The following WAPL variants were observed in gnomAD, a reference collection of about 807,000 sequenced individuals.
WAPL encodes WAPL cohesin release factor, also known as wings apart-like protein homolog.
In WAPL, 5 loss-of-function variants were observed where a neutral mutation model predicts 121.0. The observed-to-expected ratio is 0.04, with a 90% CI of 0.02 to 0.09. The LOEUF (loss-of-function observed/expected upper bound fraction) is 0.09, where lower values mean the gene tolerates loss of function less well. Among genes scored for constraint, WAPL ranks in the 10% least tolerant of loss-of-function variants. The probability of loss-of-function intolerance (pLI) is 1.00; values close to 1 mark genes in which losing one functional copy is unlikely to be tolerated. For missense variants in WAPL, 999 were observed against 1,410.8 expected, an observed-to-expected ratio of 0.71 and a Z score of 4.68; for synonymous variants, 480 against 481.5, an observed-to-expected ratio of 1.00 and a Z score of 0.04.
intron 2 of WAPL, among the ~76,000 whole-genome samples, chr10:86,510,066 G>GC: frequency 8.0e-6 from 1 of 125,324 alleles, no homozygotes; most frequent in African/African-American, 3.3e-5. Flanking sequence ...ACTCCACCCG[G>GC]CCTTTTTTTT....
intron 2 of WAPL, among the ~76,000 whole-genome samples, chr10:86,510,749 C>T (rs949508882): frequency 6.6e-6 from 1 of 152,192 alleles, no homozygotes; most frequent in Non-Finnish European, 1.5e-5. Flanking sequence ...TTTATATACA[C>T]ATATGAAAAT....
At position 86,491,278 on chromosome 10, in the gene WAPL, C is replaced by A. The variant is rs563703469; in HGVS notation, c.1644+5923G>T. The stretch of plus-strand genomic sequence containing the variant: ...CCTCAGCCTCCCAAGTAGCTGGGAC[C>A]ACAGGCGCCCGCCACCACACATGGC... On this transcript the variant is annotated intron_variant, in intron 4 of 18. Transcript: ENST00000298767. Among the ~76,000 whole-genome samples, 12 of 150,690 alleles carry A rather than the reference C, an allele frequency of 8.0e-5. No homozygotes were observed. The East Asian group carries it at 2.2e-3, about 28-fold the overall frequency.
chr10:86,485,098 C>T (rs1329231559), intron 4 of WAPL, among the ~76,000 whole-genome samples: 2 of 150,054 alleles, frequency 1.3e-5, no homozygotes, highest in Non-Finnish European at 1.5e-5. Context: ...CCCCTACCCC[C>T]CTCCTTCCCA....
At chr10:86,509,866 G>A (rs1842423840) in intron 2 of WAPL, among the ~76,000 whole-genome samples, 1 of 150,832 alleles carries the variant, frequency 6.6e-6, no homozygotes, top group Non-Finnish European at 1.5e-5. Context: ...CCGGGTTCAA[G>A]CAATTCTCCT....
chr10:86,500,816 T>C, intron 2 of WAPL, 73 bp from the exon 3 acceptor site: 1 of 1,212,382 alleles, frequency 8.2e-7, no homozygotes. Flanking sequence ...ATATATGTGG[T>C]TAATCAATAG....
At chr10:86,493,908 C>T (rs1444247456) in intron 4 of WAPL, among the ~76,000 whole-genome samples, 1 of 152,180 alleles carries the variant, frequency 6.6e-6, no homozygotes, top group Non-Finnish European at 1.5e-5. Flanking sequence ...GAGGCTAAGG[C>T]AGGAGAATCA....
intron 4 of WAPL, among the ~76,000 whole-genome samples, chr10:86,492,403 C>A (rs369839026): frequency 8.5e-5 from 13 of 152,114 alleles, no homozygotes; most frequent in African/African-American, 3.1e-4. Flanking sequence ...AGGGCATGCA[C>A]GTGGTACTGG....
rs139742373 is a variant in WAPL, at chr10:86,459,048, G to A, written c.2598C>T (p.Pro866=). ...ATGCTATCAAGTAGCTTTGATTTTCGGGATTATGCACAGTTACCTAAAAAG... is the reference window on the plus strand; with the variant it reads ...ATGCTATCAAGTAGCTTTGATTTTCAGGATTATGCACAGTTACCTAAAAAG... ...RVLESVTVHN[P]ENQSYLIAYK... is the part of the protein sequence containing the mutation. The change falls in exon 12 of 19, where the codon CCC becomes CCT. Residue 866 remains proline, a synonymous_variant. Transcript: ENST00000298767. The A allele has an allele frequency of 7.1e-5, 114 of 1,605,942 alleles. No individual in the cohort carries two copies. The highest frequency in any genetic ancestry group is 8.6e-5 in the Non-Finnish European group (101 of 1,176,672).
In WAPL at chr10:86,446,378, G is replaced by A; in HGVS notation, c.3186C>T (p.Pro1062=). 1 of 1,614,130 alleles carries A rather than the reference G, an allele frequency of 6.2e-7. No homozygotes were observed. The highest frequency in any genetic ancestry group is 8.5e-7 in the Non-Finnish European group (1 of 1,180,030). The change falls in exon 16 of 19, where the codon CCC becomes CCT. Residue 1062 remains proline, a synonymous_variant. Transcript: ENST00000298767. ...SKTDELIKDA[P]TTQHDKSGEW... is the part of the protein sequence containing the mutation. Reference sequence around the variant, plus strand: ...CTCCACTCTTATCATGCTGAGTGGTGGGAGCATCTTTGATCAACTCATCTG... The same window carrying A: ...CTCCACTCTTATCATGCTGAGTGGTAGGAGCATCTTTGATCAACTCATCTG...
chr10:86,459,513 T>C (rs192975086), intron 11 of WAPL, among the ~76,000 whole-genome samples: 23 of 152,310 alleles, frequency 1.5e-4, no homozygotes, highest in Non-Finnish European at 2.8e-4. Context: ...ACTATACTAC[T>C]TTTAAAATAA....
In WAPL at chr10:86,508,758, C is replaced by CTTTT. The variant is rs34530024; in HGVS notation, c.500-8019_500-8016dup. Among the ~76,000 whole-genome samples, 66 of 116,750 alleles carry CTTTT rather than the reference C, an allele frequency of 5.7e-4. 2 individuals are homozygous for CTTTT. Among genetic ancestry groups the CTTTT allele is most frequent in the African/African-American group, 1.4e-3 (41 of 29,764 alleles). The allele number at this position is 116,750 out of a possible 152,430, so 76.6% of individuals were successfully genotyped here. On this transcript the variant is annotated intron_variant, in intron 2 of 18. Transcript: ENST00000298767. ...TCCCCCTCCATTAGTATTGAAAGTT[C>CTTTT]TTTTTTTTTTTTTTTTTTGAGACAG...
chr10:86,494,290 T>C (rs967419716), intron 4 of WAPL, among the ~76,000 whole-genome samples: 3 of 152,196 alleles, frequency 2.0e-5, no homozygotes, highest in Non-Finnish European at 4.4e-5. Flanking sequence ...GCATGCAAAG[T>C]ACAGTGGTTG....
rs750831454 is a variant in WAPL, at chr10:86,453,220, C to G, written c.2949G>C (p.Leu983=). The change falls in exon 14 of 19, where the codon CTG becomes CTC. Residue 983 remains leucine, a splice_region_variant and synonymous_variant. Transcript: ENST00000298767. ...TTCTGAAAAAGTCATTTCAACTTAC[C>G]AGCACTCGAATATCAAATCTCTGCT... is the stretch of plus-strand genomic sequence containing the variant. ...PQEQRFDIRV[L]GLGLLINLVE... 2 of 1,613,640 alleles carry G rather than the reference C, an allele frequency of 1.2e-6. No individual in the cohort carries two copies. Among genetic ancestry groups the G allele is most frequent in the Admixed American group, 3.3e-5 (2 of 59,974 alleles).
At chr10:86,442,526 C>A (rs1849494655) in intron 17 of WAPL, among the ~76,000 whole-genome samples, 1 of 152,122 alleles carries the variant, frequency 6.6e-6, no homozygotes, top group African/African-American at 2.4e-5. Context: ...TCTTTAACAG[C>A]CTAACTCTGA....
intron 17 of WAPL, among the ~76,000 whole-genome samples, chr10:86,440,764 G>A (rs908402875): frequency 7.2e-5 from 11 of 151,790 alleles, no homozygotes; most frequent in Admixed American, 1.3e-4. Flanking sequence ...TGAAATCGGC[G>A]GTACCCAGAG....
chr10:86,480,099 G>C (rs929393056), intron 4 of WAPL, among the ~76,000 whole-genome samples: 1 of 152,172 alleles, frequency 6.6e-6, no homozygotes, highest in African/African-American at 2.4e-5. Context: ...TCAAGAATTA[G>C]AAATTGTAAT....
At chr10:86,449,488 C>G (rs980891062) in intron 15 of WAPL, among the ~76,000 whole-genome samples, 1 of 152,034 alleles carries the variant, frequency 6.6e-6, no homozygotes, top group Non-Finnish European at 1.5e-5. Context: ...AGGATGATAC[C>G]CTGAAGGACA....
At position 86,499,800 on chromosome 10, in the gene WAPL, T is replaced by G; in HGVS notation, c.1443A>C (p.Lys481Asn). The G allele has an allele frequency of 2.5e-6, 4 of 1,613,276 alleles. 1 individual carries two copies. The South Asian group carries it at 4.4e-5, about 18-fold the overall frequency. Residue 481 changes from lysine to asparagine, a missense_variant, in exon 3 of 19, where the codon AAA (lysine) becomes AAC (asparagine). Physicochemically the swap from Lys to Asn is moderately conservative, Grantham distance 94. Coordinates refer to ENST00000298767, the MANE Select transcript of WAPL (RefSeq NM_015045.5). ...VERKTSKKRT[K>N]TAPSPSLQPP... Reference sequence around the variant, plus strand: ...GCTGCAAGGAGGGTGATGGAGCTGTTTTAGTTCTTTTTTTGCTTGTCTTTC... The same window carrying G: ...GCTGCAAGGAGGGTGATGGAGCTGTGTTAGTTCTTTTTTTGCTTGTCTTTC...
chr10:86,519,904 A>G (rs539577588), intron 1 of WAPL, among the ~76,000 whole-genome samples: 5 of 152,364 alleles, frequency 3.3e-5, no homozygotes, highest in Admixed American at 3.3e-4. Context: ...AAAACTGTTA[A>G]AATGGTTCTA....
Sources: allele counts gnomAD v4.1 joint callset (sites outside exome capture counted in the v4.1 genomes callset), GRCh38; gene constraint gnomAD v4.1.1; transcripts MANE v1.5; gene names NCBI Gene and HGNC (gene_info 2026-07-23, HGNC 2026-07-21).